ASTN1: variants seen among roughly 807,000 people sequenced by gnomAD.
ASTN1 encodes astrotactin 1, also known as astrotactin-1.
A neutral mutation model predicts 140.7 loss-of-function variants in ASTN1; 41 were observed. That is an observed-to-expected ratio of 0.29 (90% CI 0.23 to 0.38). The LOEUF is 0.38. Among genes scored for constraint, ASTN1 ranks in the 10% least tolerant of loss-of-function variants. The pLI, the probability that ASTN1 is intolerant of heterozygous loss-of-function variation, is 1.00. For synonymous variants in ASTN1, 640 were observed against 652.2 expected (o/e 0.98, Z 0.29); for missense variants, 1,479 against 1,678.8 (o/e 0.88, Z 2.08).
intron 1 of ASTN1, among the ~76,000 whole-genome samples, chr1:177,122,982 C>A (rs1296342283): frequency 6.6e-6 from 1 of 152,162 alleles, no homozygotes. Flanking sequence ...GAGGCATCAG[C>A]CCCTAGCTCC....
At chr1:177,024,303 G>A (rs1675984487) in intron 6 of ASTN1, among the ~76,000 whole-genome samples, 1 of 152,156 alleles carries the variant, frequency 6.6e-6, no homozygotes, top group Admixed American at 6.5e-5. Context: ...TCTAGCCAGT[G>A]GGCTGTGCAT....
At chr1:177,156,541 T>C (rs1334101622) in intron 1 of ASTN1, among the ~76,000 whole-genome samples, 1 of 152,080 alleles carries the variant, frequency 6.6e-6, no homozygotes, top group Non-Finnish European at 1.5e-5. Flanking sequence ...ACGCAAAGTA[T>C]AAAATAAATA....
intron 1 of ASTN1, among the ~76,000 whole-genome samples, chr1:177,154,839 G>T (rs1414340005): frequency 6.6e-6 from 1 of 152,080 alleles, no homozygotes. Context: ...GCTGTGAATT[G>T]AGGAATATAA....
Position 177,149,231 on chromosome 1 carries a change from TAAATATATATATA to T in ASTN1, c.283+15150_283+15162del. On this transcript the variant is annotated intron_variant, in intron 1 of 22. Coordinates refer to ENST00000361833, the MANE Select transcript of ASTN1 (RefSeq NM_004319.3). ...GTGTATATATAGTAAATATATATAG[TAAATATATATATA>T]CTATATATAGTAAATATATATATAC... 7.5e-4 allele frequency among the ~76,000 whole-genome samples: 64 copies of T among 85,560 alleles called. 5 individuals carry two copies. The highest frequency in any genetic ancestry group is 4.7e-3 in the African/African-American group (62 of 13,314). The allele number at this position is 85,560 out of a possible 152,430, so 56.1% of individuals were successfully genotyped here.
At position 176,946,091 on chromosome 1, in the gene ASTN1, T is replaced by A; in HGVS notation, c.2084A>T (p.Asp695Val). Residue 695 changes from aspartate to valine, a missense_variant, in exon 13 of 23, where the codon GAT becomes GTT. Transcript: ENST00000361833. The stretch of plus-strand genomic sequence containing the variant: ...CGTGATGAGTTGGCAAGAGCGTCCA[T>A]CCACACCAAGCTTGTAGTCCTCGAT... ...GCIEDYKLGVDGRSCQLITET... is the reference protein window; with the variant it reads ...GCIEDYKLGVVGRSCQLITET... 6.2e-7 allele frequency: 1 copy of A among 1,613,208 alleles called. No individual in the cohort carries two copies.
chr1:176,869,859 G>C (rs1325517603), intron 21 of ASTN1, among the ~76,000 whole-genome samples: 2 of 152,150 alleles, frequency 1.3e-5, no homozygotes, highest in African/African-American at 4.8e-5. Flanking sequence ...GGCAGTGCTT[G>C]CGAGTGATGT....
chr1:177,026,935 G>A (rs1676146783), intron 5 of ASTN1, among the ~76,000 whole-genome samples: 1 of 152,118 alleles, frequency 6.6e-6, no homozygotes, highest in African/African-American at 2.4e-5. Context: ...CCAGGATGTT[G>A]CTCTTTTGTC....
intron 21 of ASTN1, among the ~76,000 whole-genome samples, chr1:176,869,752 G>A (rs571965667): frequency 1.3e-5 from 2 of 152,284 alleles, no homozygotes; most frequent in African/African-American, 4.8e-5. Context: ...CTTCTAGGTG[G>A]CATGTGCTTG....
intron 16 of ASTN1, among the ~76,000 whole-genome samples, chr1:176,907,365 T>A (rs1166416368): frequency 1.3e-5 from 2 of 152,228 alleles, no homozygotes; most frequent in Admixed American, 1.3e-4. Context: ...TTTAATATCA[T>A]TACTGTTTGG....
intron 2 of ASTN1, among the ~76,000 whole-genome samples, chr1:177,052,277 T>C (rs1031440660): frequency 5.9e-5 from 9 of 152,172 alleles, no homozygotes; most frequent in Non-Finnish European, 1.2e-4. Flanking sequence ...ACACATTGTA[T>C]GCAAGATTGT....
intron 1 of ASTN1, among the ~76,000 whole-genome samples, chr1:177,093,346 G>A (rs888084529): frequency 6.6e-5 from 10 of 152,136 alleles, no homozygotes; most frequent in African/African-American, 1.9e-4. Flanking sequence ...GACACTGTAC[G>A]TGATATCCAT....
chr1:177,040,486 A>G (rs1676922827), intron 2 of ASTN1, among the ~76,000 whole-genome samples: 1 of 152,272 alleles, frequency 6.6e-6, no homozygotes, highest in African/African-American at 2.4e-5. Context: ...TTAGGAAAGA[A>G]ATAGGATATT....
At chr1:176,939,110 T>C (rs1175463236) in intron 14 of ASTN1, among the ~76,000 whole-genome samples, 1 of 145,564 alleles carries the variant, frequency 6.9e-6, no homozygotes, top group African/African-American at 2.6e-5. Context: ...GGACACCATC[T>C]CAAAAAAAAA....
chr1:176,923,308 T>C (rs977068430), intron 16 of ASTN1, among the ~76,000 whole-genome samples: 5 of 152,200 alleles, frequency 3.3e-5, no homozygotes, highest in Admixed American at 1.3e-4. Flanking sequence ...TAATCTAAGT[T>C]CATTATTATA....
chr1:177,075,422 TC>T lies in ASTN1; in HGVS notation c.284-14158del, dbSNP rs1411304326. On this transcript the variant is annotated intron_variant, in intron 1 of 22. Coordinates refer to ENST00000361833, the MANE Select transcript of ASTN1 (RefSeq NM_004319.3). ...CTTGACTTTTAAAAGGTTTCATTCA[TC>T]AAAAAAAAAAAAAAAAATACTAAGT... Among the ~76,000 whole-genome samples the T allele has an allele frequency of 4.1e-3, 54 of 13,028 alleles. 1 individual carries two copies. The South Asian group carries it at 0.12, about 28-fold the overall frequency. 8.5% of individuals were successfully genotyped at this position (13,028 alleles called of 152,430 possible).
chr1:176,965,007 G>A (rs1672813848), intron 9 of ASTN1, among the ~76,000 whole-genome samples, 156 bp downstream of exon 9: 1 of 152,128 alleles, frequency 6.6e-6, no homozygotes. Context: ...TATTGTCCCT[G>A]GGCATGACTG....
chr1:176,954,324 GA>G (rs1216786866), intron 11 of ASTN1, among the ~76,000 whole-genome samples: 1 of 152,196 alleles, frequency 6.6e-6, no homozygotes, highest in Non-Finnish European at 1.5e-5. Flanking sequence ...ATGTGCTACA[GA>G]AAAATGGTCA....
chr1:177,100,519 T>C (rs1680249616), intron 1 of ASTN1, among the ~76,000 whole-genome samples: 1 of 152,032 alleles, frequency 6.6e-6, no homozygotes, highest in Non-Finnish European at 1.5e-5. Context: ...TACTGTACCA[T>C]AAAAATGAAC....
intron 8 of ASTN1, among the ~76,000 whole-genome samples, chr1:176,979,393 T>C (rs1673509566): frequency 6.6e-6 from 1 of 152,158 alleles, no homozygotes; most frequent in Non-Finnish European, 1.5e-5. Context: ...CCTGGAAAGC[T>C]CTTTCCCTCC....
Sources: gnomAD v4.1 joint callset for allele counts (sites outside exome capture counted in the v4.1 genomes callset) on GRCh38, gnomAD v4.1.1 for gene constraint, MANE v1.5 for transcripts, NCBI Gene and HGNC (gene_info 2026-07-23, HGNC 2026-07-21) for gene names.